DCAF10: variants seen among roughly 807,000 people sequenced by gnomAD.
The protein encoded by DCAF10 is DDB1- and CUL4-associated factor 10.
Under a neutral mutation model 51.9 loss-of-function variants are expected in DCAF10, and 19 were observed. The ratio of observed to expected loss-of-function variants is 0.37; its 90% CI spans 0.26 to 0.54. The LOEUF is 0.54. Ranked by LOEUF, DCAF10 falls within the 20% of genes least tolerant of loss-of-function variation. DCAF10 has a pLI of 0.87. For synonymous variants in DCAF10, 291 were observed against 297.1 expected (o/e 0.98, Z 0.21); for missense variants, 510 against 730.6 (o/e 0.70, Z 3.48).
intron 2 of DCAF10, among the ~76,000 whole-genome samples, chr9:37,841,278 A>G (rs555444153): frequency 6.6e-6 from 1 of 152,188 alleles, no homozygotes; most frequent in Non-Finnish European, 1.5e-5. Context: ...ATTTCTGACA[A>G]TTATATGTAA....
chr9:37,814,449 T>G (rs1040310358), intron 1 of DCAF10, among the ~76,000 whole-genome samples: 2 of 150,928 alleles, frequency 1.3e-5, no homozygotes, highest in African/African-American at 2.4e-5. Context: ...CGCCTGGCCT[T>G]CAATTTTTTT....
Position 37,801,314 on chromosome 9 carries a change from A to C in DCAF10, c.448A>C (p.Ser150Arg), listed in dbSNP as rs780969667. ...PARDNFRTMT[S>R]LYGSIHPADS... is the part of the protein sequence containing the mutation. ...GCGGGACAATTTTCGCACCATGACT[A>C]GCCTCTACGGTTCCATCCACCCCGC... is the stretch of plus-strand genomic sequence containing the variant. Residue 150 changes from serine to arginine, a missense_variant, in exon 1 of 7, where the codon AGC becomes CGC. Physicochemically the swap from Ser to Arg is moderately radical, Grantham distance 110 (BLOSUM62 -1). Around this residue, in one of 4 missense-constraint regions of DCAF10, gnomAD observed 251 missense variants for 227.9 expected, o/e 1.10. Transcript: ENST00000377724. The surrounding 1 kb of genome is among the most constrained non-coding windows in gnomAD (Gnocchi z 5.5). 10 of 1,596,500 alleles carry C rather than the reference A, an allele frequency of 6.3e-6. No homozygotes were observed. Among genetic ancestry groups the C allele is most frequent in the Middle Eastern group, 3.3e-4 (2 of 6,024 alleles).
At chr9:37,816,659 G>GGGGGGGGTGTGT in intron 1 of DCAF10, among the ~76,000 whole-genome samples, 1 of 144,984 alleles carries the variant, frequency 6.9e-6, no homozygotes, top group South Asian at 2.2e-4. Context: ...CTGCACCTGG[G>GGGGGGGGTGTGT]GTGTGTGTGT....
At chr9:37,807,625 A>G (rs1254913907) in intron 1 of DCAF10, among the ~76,000 whole-genome samples, 2 of 149,006 alleles carry the variant, frequency 1.3e-5, no homozygotes, top group African/African-American at 2.5e-5. Flanking sequence ...TATTTATGTT[A>G]ATTTATATTA....
intron 3 of DCAF10, 59 bp downstream of exon 3, chr9:37,842,345 T>G: frequency 6.6e-7 from 1 of 1,504,710 alleles, no homozygotes; most frequent in East Asian, 2.3e-5. Flanking sequence ...TTAAAGATGG[T>G]GAACAAATTC....
Position 37,861,260 on chromosome 9 carries a change from C to T in DCAF10, c.1432C>T (p.Leu478Phe), listed in dbSNP as rs1831007828. The T allele has an allele frequency of 6.2e-7, 1 of 1,614,072 alleles. No homozygotes were observed. Among genetic ancestry groups the T allele is most frequent in the Non-Finnish European group, 8.5e-7 (1 of 1,180,040 alleles). ...TGTAGGCAGGGGTTACATCAAAGAA[C>T]TTTGCTTCAGCCCCGATGGACGAAT... ...ANVGRGYIKE[L>F]CFSPDGRMIS... Residue 478 changes from leucine to phenylalanine, a missense_variant, in exon 7 of 7, where the codon CTT becomes TTT. By Grantham distance (22) the Leu-to-Phe change is conservative (BLOSUM62 0). Transcript: ENST00000377724. This position sits in a 1 kb window ranked among gnomAD's most constrained non-coding sequence, Gnocchi z 4.9.
chr9:37,852,067 A>T (rs1390197826), intron 3 of DCAF10, among the ~76,000 whole-genome samples: 1 of 152,142 alleles, frequency 6.6e-6, no homozygotes, highest in Non-Finnish European at 1.5e-5. Flanking sequence ...AATCCCAGTA[A>T]AGATAAATAA....
chr9:37,816,186 G>A (rs1829525834), intron 1 of DCAF10, among the ~76,000 whole-genome samples: 1 of 152,230 alleles, frequency 6.6e-6, no homozygotes, highest in Admixed American at 6.5e-5. Flanking sequence ...TGGGCCATAT[G>A]GAGGAAACTA....
At chr9:37,844,143 A>T (rs1207754376) in intron 3 of DCAF10, among the ~76,000 whole-genome samples, 1 of 152,256 alleles carries the variant, frequency 6.6e-6, no homozygotes, top group Middle Eastern at 3.2e-3. Context: ...GTAAAAGTGG[A>T]CAGAATTACA....
chr9:37,844,548 G>A (rs1343160718), intron 3 of DCAF10, among the ~76,000 whole-genome samples: 1 of 152,222 alleles, frequency 6.6e-6, no homozygotes, highest in Non-Finnish European at 1.5e-5. Context: ...CTACTTGGGA[G>A]GCTGAGGCAG....
chr9:37,801,555 A>C lies in DCAF10; in HGVS notation c.539+150A>C. The stretch of plus-strand genomic sequence containing the variant: ...CTTCGTGCCTCCTGGCACTTTCTGA[A>C]GCGCATTCTCGCCCTTGGAATCCCC... On this transcript the variant is annotated intron_variant, in intron 1 of 6. Transcript: ENST00000377724. The surrounding 1 kb of genome is among the most constrained non-coding windows in gnomAD (Gnocchi z 5.5). The C allele has an allele frequency of 9.9e-7, 1 of 1,005,322 alleles. No individual in the cohort carries two copies. The highest frequency in any genetic ancestry group is 1.3e-6 in the Non-Finnish European group (1 of 756,472). The allele number at this position is 1,005,322 out of a possible 1,614,324, so 62.3% of individuals were successfully genotyped here.
chr9:37,828,197 G>A (rs1418471939), intron 2 of DCAF10, among the ~76,000 whole-genome samples: 2 of 152,120 alleles, frequency 1.3e-5, no homozygotes, highest in Non-Finnish European at 2.9e-5. Context: ...CCTCCTCTGT[G>A]AATATCTAAC....
chr9:37,846,336 A>G (rs1830471027), intron 3 of DCAF10, among the ~76,000 whole-genome samples: 2 of 152,244 alleles, frequency 1.3e-5, no homozygotes, highest in South Asian at 4.1e-4. Context: ...CCAACCTTAC[A>G]GAAATTAAAA....
At chr9:37,835,894 A>G (rs981850725) in intron 2 of DCAF10, 15 of 1,154,538 alleles carry the variant, frequency 1.3e-5, no homozygotes, top group Non-Finnish European at 1.8e-5. Flanking sequence ...ATCAACGTGT[A>G]GGTTTGAAAA....
intron 2 of DCAF10, among the ~76,000 whole-genome samples, chr9:37,821,717 G>A (rs767654499): frequency 6.6e-6 from 1 of 152,080 alleles, no homozygotes; most frequent in Non-Finnish European, 1.5e-5. Context: ...AGGATTTCAT[G>A]ACCAAAACCC....
At chr9:37,812,554 G>T (rs980498412) in intron 1 of DCAF10, among the ~76,000 whole-genome samples, 5 of 152,204 alleles carry the variant, frequency 3.3e-5, no homozygotes, top group African/African-American at 9.7e-5. Context: ...TAGGAGGAAG[G>T]AAAAAGGTGG....
Position 37,800,903 on chromosome 9 carries a change from G to C in DCAF10, c.37G>C (p.Gly13Arg). 1.3e-6 allele frequency: 2 copies of C among 1,496,660 alleles called. No homozygotes were observed. The highest frequency in any genetic ancestry group is 2.5e-5 in the East Asian group (1 of 40,058). 92.7% of individuals were successfully genotyped at this position (1,496,660 alleles called of 1,614,324 possible). A position where few individuals can be genotyped will look rare whatever the true frequency, so the allele number is the denominator to read the frequency against. Residue 13 changes from glycine to arginine, a missense_variant, in exon 1 of 7, where the codon GGA (glycine) becomes CGA (arginine). Gly to Arg is a moderately radical substitution (Grantham distance 125). This residue lies in a region of DCAF10 where 251 missense variants were observed against 227.9 expected (regional missense o/e 1.10). Coordinates refer to ENST00000377724, the MANE Select transcript of DCAF10 (RefSeq NM_024345.5). ...PFGPHSPGGD[G>R]SAGAGAEEPT... Reference sequence around the variant, plus strand: ...TGGGCCCCATAGCCCTGGAGGGGACGGATCGGCCGGAGCCGGGGCTGAGGA... The same window carrying C: ...TGGGCCCCATAGCCCTGGAGGGGACCGATCGGCCGGAGCCGGGGCTGAGGA...
chr9:37,830,057 A>T (rs1362292325), intron 2 of DCAF10, among the ~76,000 whole-genome samples: 1 of 151,724 alleles, frequency 6.6e-6, no homozygotes, highest in East Asian at 1.9e-4. Context: ...ACACGGAGGT[A>T]TATGAAGAAG....
chr9:37,828,520 A>G (rs1564033815), intron 2 of DCAF10, among the ~76,000 whole-genome samples: 1 of 152,196 alleles, frequency 6.6e-6, no homozygotes, highest in African/African-American at 2.4e-5. Context: ...AAAGAAGTTG[A>G]TTCTCCCCAA....
Sources: gnomAD v4.1 joint callset for allele counts (sites outside exome capture counted in the v4.1 genomes callset) on GRCh38, gnomAD v4.1.1 for gene constraint, gnomAD v4.1.1 regional missense constraint, Gnocchi (gnomAD v3.1) non-coding constraint, MANE v1.5 for transcripts, NCBI Gene and HGNC (gene_info 2026-07-23, HGNC 2026-07-21) for gene names.